P4HB: variants seen among roughly 807,000 people sequenced by gnomAD.
The protein encoded by P4HB is protein disulfide-isomerase.
P4HB carries 20 observed loss-of-function variants against 52.6 expected under a neutral mutation model. The observed-to-expected ratio is 0.38, with a 90% CI of 0.27 to 0.55. The LOEUF (loss-of-function observed/expected upper bound fraction) is 0.55, where lower values mean the gene tolerates loss of function less well. Ranked by LOEUF, P4HB falls within the 20% of genes least tolerant of loss-of-function variation. P4HB has a pLI of 0.74. For synonymous variants in P4HB, 296 were observed against 277.9 expected (o/e 1.07, Z -0.65); for missense variants, 601 against 669.2 (o/e 0.90, Z 1.12).
intron 9 of P4HB, 100 bp downstream of exon 9, chr17:81,845,461 T>G: frequency 2.5e-6 from 3 of 1,223,236 alleles, no homozygotes; most frequent in Non-Finnish European, 2.3e-6. Flanking sequence ...TTCTCCCACC[T>G]GACTAGCCCC....
chr17:81,845,603 G>C lies in P4HB; in HGVS notation c.1317C>G (p.Ser439Arg). The stretch of plus-strand genomic sequence containing the variant: ...CAGGAAAGAACTTGAGTGTGGGGAA[G>C]CTGTGCACTTTGACGGCCTCCACCT... ...ANEVEAVKVH[S>R]FPTLKFFPAS... The change falls in exon 9 of 11, where the codon AGC becomes AGG. Residue 439 changes from serine to arginine, a missense_variant. Transcript: ENST00000331483. The C allele has an allele frequency of 6.2e-7, 1 of 1,612,414 alleles. No homozygotes were observed. Among genetic ancestry groups the C allele is most frequent in the Non-Finnish European group, 8.5e-7 (1 of 1,178,810 alleles).
rs758171196 is a variant in P4HB at position 81,860,521 on chromosome 17, G to C, written c.-50C>G. On this transcript the variant is annotated 5_prime_UTR_variant, in exon 1 of 11. Coordinates refer to ENST00000331483, the MANE Select transcript of P4HB (RefSeq NM_000918.4). ...CTTCGGTTGGCGCCGCCGGGACAGC[G>C]GGGGCGACGAGAGCGCGCGCCGGTC... 4 of 1,232,320 alleles carry C rather than the reference G, an allele frequency of 3.2e-6. No individual in the cohort carries two copies. Among genetic ancestry groups the C allele is most frequent in the Non-Finnish European group, 4.1e-6 (4 of 986,064 alleles). The allele number at this position is 1,232,320 out of a possible 1,614,324, so 76.3% of individuals were successfully genotyped here. A position where few individuals can be genotyped will look rare whatever the true frequency, so the allele number is the denominator to read the frequency against.
intron 4 of P4HB, chr17:81,847,905 CT>C (rs1193629056): frequency 4.1e-3 from 510 of 123,104 alleles, no homozygotes; most frequent in Non-Finnish European, 4.5e-3. Flanking sequence ...AGGTCTTGAT[CT>C]TTTTTTTTTT....
intron 5 of P4HB, 47 bp downstream of exon 5, chr17:81,847,196 A>T: frequency 6.2e-7 from 1 of 1,602,042 alleles, no homozygotes; most frequent in Non-Finnish European, 8.6e-7. Context: ...GCCACCCCCA[A>T]CCCACTCCTC....
At chr17:81,844,681 C>A (rs917344734) in intron 10 of P4HB, among the ~76,000 whole-genome samples, 3 of 152,196 alleles carry the variant, frequency 2.0e-5, no homozygotes, top group African/African-American at 7.2e-5. Flanking sequence ...CCGCCCCTGC[C>A]GCATCCTCCC....
rs200395704 is a variant in P4HB at position 81,854,896 on chromosome 17, A to AG, written c.624+245_624+246insC. ...GTTTTATCATAATTGAAAAAAAAAAAAAAGCTAACAGTCAAAAGCAGTTCT... is the reference window on the plus strand; with the variant it reads ...GTTTTATCATAATTGAAAAAAAAAAAGAAAGCTAACAGTCAAAAGCAGTTCT... On this transcript the variant is annotated intron_variant, in intron 4 of 10. Coordinates refer to ENST00000331483, the MANE Select transcript of P4HB (RefSeq NM_000918.4). Among the ~76,000 whole-genome samples, 1,164 of 152,050 alleles carry AG rather than the reference A, an allele frequency of 7.7e-3. 16 individuals carry two copies. Among genetic ancestry groups the AG allele is most frequent in the African/African-American group, 0.027 (1,124 of 41,386 alleles).
chr17:81,860,431 AG>A lies in P4HB; in HGVS notation c.40del (p.Leu14TrpfsTer57). On this transcript the variant is annotated frameshift_variant, in exon 1 of 11. Coordinates refer to ENST00000331483, the MANE Select transcript of P4HB (RefSeq NM_000918.4). LOFTEE classifies it high-confidence loss of function. Reference sequence around the variant, plus strand: ...CTCCTCGGGGGCGTCGGCGCGCACCAGGGCGGCCACGGCCAGGCACAGCAGA... The same window carrying A: ...CTCCTCGGGGGCGTCGGCGCGCACCAGGCGGCCACGGCCAGGCACAGCAGA... The part of the protein sequence containing the change: ...RALLCLAVAA[L>X]VRADAPEEED... The A allele has an allele frequency of 1.4e-6, 2 of 1,416,478 alleles. No individual in the cohort carries two copies. The highest frequency in any genetic ancestry group is 9.3e-7 in the Non-Finnish European group (1 of 1,081,008). The allele number at this position is 1,416,478 out of a possible 1,614,324, so 87.7% of individuals were successfully genotyped here.
In P4HB at chr17:81,843,959, T is replaced by C. The variant is rs201612293; in HGVS notation, c.*53A>G. 1.9e-4 allele frequency: 250 copies of C among 1,309,810 alleles called. 1 individual carries two copies. The highest frequency in any genetic ancestry group is 2.7e-4 in the Non-Finnish European group (240 of 903,552). 81.1% of individuals were successfully genotyped at this position (1,309,810 alleles called of 1,614,324 possible). ...AGGCTTCGGAGGCGTGCGCTGCTGC[T>C]GGGTGTGCAGCCCCCGAGGGGTCTC... On this transcript the variant is annotated 3_prime_UTR_variant, in exon 11 of 11. Coordinates refer to ENST00000331483, the MANE Select transcript of P4HB (RefSeq NM_000918.4).
At chr17:81,850,531 G>T (rs1181315513) in intron 4 of P4HB, among the ~76,000 whole-genome samples, 1 of 152,170 alleles carries the variant, frequency 6.6e-6, no homozygotes, top group East Asian at 1.9e-4. Context: ...TGGCTAGAGT[G>T]CAATGGCACG....
intron 4 of P4HB, among the ~76,000 whole-genome samples, chr17:81,848,423 A>G (rs772214367): frequency 6.6e-6 from 1 of 151,860 alleles, no homozygotes. Context: ...TTATGATAAC[A>G]TGTAATGGGA....
At chr17:81,850,613 A>C (rs2038815232) in intron 4 of P4HB, among the ~76,000 whole-genome samples, 1 of 151,702 alleles carries the variant, frequency 6.6e-6, no homozygotes, top group African/African-American at 2.4e-5. Flanking sequence ...CCTCGCAAGT[A>C]GCTGGGATTA....
intron 4 of P4HB, among the ~76,000 whole-genome samples, chr17:81,853,980 T>C (rs1473363072): frequency 6.6e-6 from 1 of 152,222 alleles, no homozygotes; most frequent in Admixed American, 6.5e-5. Flanking sequence ...GACCCTGCTG[T>C]GTCCTGGTAA....
chr17:81,860,252 C>T, intron 1 of P4HB, 75 bp downstream of exon 1: 3 of 1,230,988 alleles, frequency 2.4e-6, no homozygotes, highest in Non-Finnish European at 3.1e-6. Context: ...CCGGGGGCTG[C>T]CGGGCCGTGC....
In P4HB at chr17:81,844,105, A is replaced by G; in HGVS notation, c.1447-13T>C. On this transcript the variant is annotated splice_polypyrimidine_tract_variant and intron_variant, in intron 10 of 10. Coordinates refer to ENST00000331483, the MANE Select transcript of P4HB (RefSeq NM_000918.4). ...GGTCCTCGAGATCCTGGGATACAGG[A>G]AAAGGGGCGGGGCGGGCAGGTTGGC... 1 of 1,593,368 alleles carries G rather than the reference A, an allele frequency of 6.3e-7. No individual in the cohort carries two copies. The highest frequency in any genetic ancestry group is 1.7e-5 in the Admixed American group (1 of 59,988).
chr17:81,859,430 A>C lies in P4HB; in HGVS notation c.146-43T>G, dbSNP rs761679201. 1.4e-5 allele frequency: 22 copies of C among 1,557,482 alleles called. No homozygotes were observed. The South Asian group carries it at 2.2e-4, about 16-fold the overall frequency. On this transcript the variant is annotated intron_variant, in intron 1 of 10. Coordinates refer to ENST00000331483, the MANE Select transcript of P4HB (RefSeq NM_000918.4). ...ATGCTAGAAAGCAGCCTTGATCCCT[A>C]AAGCAGCCTTGATCCCTCAGCAGTG... is the stretch of plus-strand genomic sequence containing the variant.
Position 81,846,371 on chromosome 17 carries a change from G to T in P4HB, c.1056+58C>A. On this transcript the variant is annotated intron_variant, in intron 7 of 10. Transcript: ENST00000331483. The surrounding 1 kb of genome is among the most constrained non-coding windows in gnomAD (Gnocchi z 5.7). ...AAGCCCAGGACACTGAGAGCCCAGA[G>T]ACCCCAAGGTGGCGGCTCTACCCGG... is the stretch of plus-strand genomic sequence containing the variant. 1 of 1,491,912 alleles carries T rather than the reference G, an allele frequency of 6.7e-7. No individual in the cohort carries two copies. The highest frequency in any genetic ancestry group is 1.1e-5 in the South Asian group (1 of 88,624). The allele number at this position is 1,491,912 out of a possible 1,614,324, so 92.4% of individuals were successfully genotyped here. A position where few individuals can be genotyped will look rare whatever the true frequency, so the allele number is the denominator to read the frequency against.
chr17:81,860,315 C>T lies in P4HB; in HGVS notation c.145+12G>A. 2 of 1,449,222 alleles carry T rather than the reference C, an allele frequency of 1.4e-6. No homozygotes were observed. The highest frequency in any genetic ancestry group is 1.5e-5 in the African/African-American group (1 of 67,728). 89.8% of individuals were successfully genotyped at this position (1,449,222 alleles called of 1,614,324 possible). ...CCCCGAGCCCCGCCCGCCCGCCAGG[C>T]CCGGCGCTCACAGAACTCCACCAGC... On this transcript the variant is annotated intron_variant, in intron 1 of 10. Coordinates refer to ENST00000331483, the MANE Select transcript of P4HB (RefSeq NM_000918.4).
chr17:81,848,190 G>T (rs141496563), intron 4 of P4HB, among the ~76,000 whole-genome samples: 9 of 152,142 alleles, frequency 5.9e-5, no homozygotes, highest in Non-Finnish European at 1.2e-4. Context: ...GTGAGCCACC[G>T]CGCCCGGCTG....
chr17:81,845,287 G>C, intron 9 of P4HB, 57 bp from the exon 10 acceptor site: 1 of 1,381,054 alleles, frequency 7.2e-7, no homozygotes, highest in African/African-American at 1.4e-5. Flanking sequence ...CAATCTCCTG[G>C]CATTGGCTCC....
Sources: gnomAD v4.1 joint callset for allele counts (sites outside exome capture counted in the v4.1 genomes callset) on GRCh38, gnomAD v4.1.1 for gene constraint, Gnocchi (gnomAD v3.1) non-coding constraint, MANE v1.5 for transcripts, NCBI Gene and HGNC (gene_info 2026-07-23, HGNC 2026-07-21) for gene names.